Variants in ZNF397 observed in about 807,000 individuals in gnomAD.
The protein encoded by ZNF397 is zinc finger and SCAN domain-containing protein 15.
Under a neutral mutation model 50.6 loss-of-function variants are expected in ZNF397, and 38 were observed. The ratio of observed to expected loss-of-function variants is 0.75; its 90% CI spans 0.58 to 0.98. The LOEUF is 0.98. Among genes scored for constraint, ZNF397 ranks in the 50% least tolerant of loss-of-function variants. The pLI, the probability that ZNF397 is intolerant of heterozygous loss-of-function variation, is 0.00. For synonymous variants in ZNF397, 228 were observed against 215.2 expected, an observed-to-expected ratio of 1.06 and a Z score of -0.52; for missense variants, 624 against 624.1, an observed-to-expected ratio of 1.00 and a Z score of 0.00.
downstream of ZNF397, chr18:35,253,238 C>G (rs1254680538): frequency 1.1e-5 from 5 of 441,450 alleles, no homozygotes; most frequent in Non-Finnish European, 2.0e-5. Flanking sequence ...AAATATCTAC[C>G]ATTCTTTTTG....
In ZNF397 at chr18:35,242,428, A is replaced by AGT; in HGVS notation, c.-43_-42insGT. The AGT allele has an allele frequency of 1.3e-6, 2 of 1,565,568 alleles. No homozygotes were observed. The highest frequency in any genetic ancestry group is 1.7e-6 in the Non-Finnish European group (2 of 1,154,116). ...TACTCACACTCCTTCGCAAGCACAG[A>AGT]ACCAGTTGTACTGAGCTTTTTGCTA... On this transcript the variant is annotated 5_prime_UTR_variant, in exon 2 of 4. Transcript: ENST00000330501.
downstream of ZNF397, chr18:35,251,354 C>T (rs1283907726): frequency 6.6e-6 from 1 of 152,140 alleles, no homozygotes; most frequent in Admixed American, 6.5e-5. Flanking sequence ...AACATTAAAT[C>T]TCTGATTGTC....
chr18:35,246,681 T>C lies in ZNF397; in HGVS notation c.*371T>C. The C allele has an allele frequency of 1.0e-6, 1 of 994,328 alleles. No individual in the cohort carries two copies. The allele number at this position is 994,328 out of a possible 1,614,324, so 61.6% of individuals were successfully genotyped here. A position where few individuals can be genotyped will look rare whatever the true frequency, so the allele number is the denominator to read the frequency against. Reference sequence around the variant, plus strand: ...GCCAGGTTATGGGGCTGGTGTGGACTGTGTGAGGCACTTCGTCTCAGGAAC... The same window carrying C: ...GCCAGGTTATGGGGCTGGTGTGGACCGTGTGAGGCACTTCGTCTCAGGAAC... On this transcript the variant is annotated 3_prime_UTR_variant, in exon 4 of 4. Coordinates refer to ENST00000330501, the MANE Select transcript of ZNF397 (RefSeq NM_001135178.3).
downstream of ZNF397, chr18:35,252,940 T>C (rs2143640700): frequency 6.5e-6 from 1 of 153,348 alleles, no homozygotes; most frequent in East Asian, 1.9e-4. Flanking sequence ...GGTACTATTT[T>C]ACTGCCTCAG....
chr18:35,254,101 A>C, downstream of ZNF397: 3 of 1,613,910 alleles, frequency 1.9e-6, no homozygotes, highest in Non-Finnish European at 2.5e-6. Flanking sequence ...AACTTCCTTC[A>C]CTCTCATGAG....
chr18:35,244,448 C>T (rs1912772260), intron 3 of ZNF397, among the ~76,000 whole-genome samples: 2 of 152,070 alleles, frequency 1.3e-5, no homozygotes, highest in Admixed American at 1.3e-4. Flanking sequence ...TCTGGGCAGA[C>T]ATTAGTCAGA....
At position 35,249,192 on chromosome 18, in the gene ZNF397, G is replaced by T. The variant is rs183477527; in HGVS notation, c.*2882G>T. 1 of 152,154 alleles carries T rather than the reference G, an allele frequency of 6.6e-6. No homozygotes were observed. The allele number at this position is 152,154 out of a possible 1,614,324, so 9.4% of individuals were successfully genotyped here. A position where few individuals can be genotyped will look rare whatever the true frequency, so the allele number is the denominator to read the frequency against. ...CCTTATAAAACAGACAGGGATTCAG[G>T]GACATTGGGACTCTAATGCTGCTGG... On this transcript the variant is annotated 3_prime_UTR_variant, in exon 4 of 4. Transcript: ENST00000330501.
chr18:35,245,117 G>C, intron 3 of ZNF397, 145 bp from the exon 4 acceptor site: 2 of 1,009,562 alleles, frequency 2.0e-6, no homozygotes, highest in Non-Finnish European at 2.8e-6. Context: ...AGATAAGAGA[G>C]ACCCTCTTTT....
At position 35,247,150 on chromosome 18, in the gene ZNF397, T is replaced by G. The variant is rs2043495659; in HGVS notation, c.*840T>G. The G allele has an allele frequency of 2.0e-6, 2 of 985,470 alleles. No individual in the cohort carries two copies. The highest frequency in any genetic ancestry group is 2.4e-6 in the Non-Finnish European group (2 of 829,986). The allele number at this position is 985,470 out of a possible 1,614,324, so 61.0% of individuals were successfully genotyped here. On this transcript the variant is annotated 3_prime_UTR_variant, in exon 4 of 4. Coordinates refer to ENST00000330501, the MANE Select transcript of ZNF397 (RefSeq NM_001135178.3). ...TCCTTGAGTTCCTGTTGTAGTGAGG[T>G]CTTGTCTGTCAGAGAAGTCTGGGTC...
Position 35,245,393 on chromosome 18 carries a change from A to G in ZNF397, c.688A>G (p.Thr230Ala). 1.3e-6 allele frequency: 2 copies of G among 1,597,066 alleles called. No homozygotes were observed. The highest frequency in any genetic ancestry group is 1.1e-5 in the South Asian group (1 of 88,458). Reference protein sequence around the residue: ...SNLVWKQGSATGEKLRSPSQG... With the variant: ...SNLVWKQGSAAGEKLRSPSQG... ...TTTAGTGTGGAAGCAAGGAAGTGCT[A>G]CAGGGGAGAAACTAAGATCTCCTTC... The change falls in exon 4 of 4, where the codon ACA becomes GCA. Residue 230 changes from threonine (T) to alanine (A), a missense_variant. Coordinates refer to ENST00000330501, the MANE Select transcript of ZNF397 (RefSeq NM_001135178.3).
At chr18:35,252,460 A>T (rs560924530), downstream of ZNF397, 3 of 152,122 alleles carry the variant, frequency 2.0e-5, no homozygotes, top group African/African-American at 7.2e-5. Context: ...CTGAGCTATT[A>T]TACTTGAGGG....
At chr18:35,241,715 G>A (rs1384181821) in intron 1 of ZNF397, 1 of 152,104 alleles carries the variant, frequency 6.6e-6, no homozygotes, top group East Asian at 1.9e-4. Flanking sequence ...GATACGTCTT[G>A]GTTCTTGGTC....
At chr18:35,252,059 C>T (rs1322897374), downstream of ZNF397, 1 of 152,136 alleles carries the variant, frequency 6.6e-6, no homozygotes, top group African/African-American at 2.4e-5. Flanking sequence ...AAGATAGGAT[C>T]TGGAGACAGC....
rs1218274215 is a variant in ZNF397, at chr18:35,243,380, C to A, written c.556+87C>A. ...GAATTAATTGCACTTGACAAACTTG[C>A]CACATGTGAGCATCACCTTTATTAT... On this transcript the variant is annotated intron_variant, in intron 3 of 3. Coordinates refer to ENST00000330501, the MANE Select transcript of ZNF397 (RefSeq NM_001135178.3). 4 of 1,586,680 alleles carry A rather than the reference C, an allele frequency of 2.5e-6. No homozygotes were observed. The South Asian group carries it at 4.4e-5, about 18-fold the overall frequency.
chr18:35,249,635 A>G lies in ZNF397; in HGVS notation c.*3325A>G, dbSNP rs2043539116. 7.4e-6 allele frequency: 1 copy of G among 135,118 alleles called. No homozygotes were observed. Among genetic ancestry groups the G allele is most frequent in the Non-Finnish European group, 1.5e-5 (1 of 64,662 alleles). The allele number at this position is 135,118 out of a possible 1,614,324, so 8.4% of individuals were successfully genotyped here. On this transcript the variant is annotated 3_prime_UTR_variant, in exon 4 of 4. Transcript: ENST00000330501. Reference sequence around the variant, plus strand: ...ACCACTGTATTCCAGCCTGGGTGACAGAGTGAGACTGTGTCTCAAAAAAAA... The same window carrying G: ...ACCACTGTATTCCAGCCTGGGTGACGGAGTGAGACTGTGTCTCAAAAAAAA...
rs772797528 is a variant in ZNF397, at chr18:35,243,250, G to A, written c.513G>A (p.Lys171=). 5.6e-6 allele frequency: 9 copies of A among 1,614,052 alleles called. No individual in the cohort carries two copies. The highest frequency in any genetic ancestry group is 6.8e-6 in the Non-Finnish European group (8 of 1,180,040). The change falls in exon 3 of 4, where the codon AAG becomes AAA. Residue 171 remains lysine (K), a synonymous_variant. Transcript: ENST00000330501. ...CAGACATCCACCTCCAGCCCTTAAA[G>A]ACACAGCTGAAATCCTGGAAACCAT... ...ESTDIHLQPL[K]TQLKSWKPCL...
downstream of ZNF397, chr18:35,251,970 GTTAA>G (rs2043613781): frequency 6.6e-6 from 1 of 152,076 alleles, no homozygotes; most frequent in African/African-American, 2.4e-5. Context: ...GCAATTGTGG[GTTAA>G]TTAAAACTGC....
rs942877114 is a variant in ZNF397, at chr18:35,245,689, T to A, written c.984T>A (p.Leu328=). 6.4e-7 allele frequency: 1 copy of A among 1,552,214 alleles called. No homozygotes were observed. Among genetic ancestry groups the A allele is most frequent in the African/African-American group, 1.4e-5 (1 of 73,060 alleles). The change falls in exon 4 of 4, where the codon CTT becomes CTA. Residue 328 remains leucine (L), a synonymous_variant. Coordinates refer to ENST00000330501, the MANE Select transcript of ZNF397 (RefSeq NM_001135178.3). The part of the protein sequence containing the change: ...CGKAFSLRSY[L]IIHQRIHSGE... Reference sequence around the variant, plus strand: ...AGGCCTTTAGTTTGAGGTCCTATCTTATTATTCATCAGAGAATTCATAGTG... The same window carrying A: ...AGGCCTTTAGTTTGAGGTCCTATCTAATTATTCATCAGAGAATTCATAGTG...
Position 35,245,687 on chromosome 18 carries a change from CTTA to C in ZNF397, c.988_990del (p.Ile330del). On this transcript the variant is annotated inframe_deletion, in exon 4 of 4. Coordinates refer to ENST00000330501, the MANE Select transcript of ZNF397 (RefSeq NM_001135178.3). ...GAAGGCCTTTAGTTTGAGGTCCTAT[CTTA>C]TTATTCATCAGAGAATTCATAGTGG... 5.8e-6 allele frequency: 9 copies of C among 1,552,382 alleles called. No individual in the cohort carries two copies. The highest frequency in any genetic ancestry group is 2.0e-5 in the Admixed American group (1 of 51,012).
Sources: allele counts gnomAD v4.1 joint callset (sites outside exome capture counted in the v4.1 genomes callset), GRCh38; gene constraint gnomAD v4.1.1; transcripts MANE v1.5; gene names NCBI Gene and HGNC (gene_info 2026-07-23, HGNC 2026-07-21).